The following HNRNPD variants were observed in gnomAD, a reference collection of about 807,000 sequenced individuals.
The protein encoded by HNRNPD is heterogeneous nuclear ribonucleoprotein D0.
HNRNPD carries 3 observed loss-of-function variants against 47.9 expected under a neutral mutation model. The ratio of observed to expected loss-of-function variants is 0.06; its 90% CI spans 0.03 to 0.16. The LOEUF is 0.16. Among genes scored for constraint, HNRNPD ranks in the 10% least tolerant of loss-of-function variants. The pLI is 1.00. For missense variants in HNRNPD, 287 were observed against 454.2 expected (o/e 0.63, Z 3.35); for synonymous variants, 171 against 165.1 (o/e 1.04, Z -0.28).
intron 2 of HNRNPD, among the ~76,000 whole-genome samples, chr4:82,365,240 A>T (rs1719693100): frequency 6.6e-6 from 1 of 152,136 alleles, no homozygotes. Flanking sequence ...TGGCTTTATA[A>T]CAAGTTCTGA....
At chr4:82,368,739 G>A (rs150323298) in intron 2 of HNRNPD, among the ~76,000 whole-genome samples, 1,600 of 152,274 alleles carry the variant, frequency 0.011, 21 homozygotes, top group Non-Finnish European at 0.013. Flanking sequence ...AATTTGGCAT[G>A]AGACTACTCT....
chr4:82,366,141 C>A (rs1719744321), intron 2 of HNRNPD, among the ~76,000 whole-genome samples: 1 of 152,170 alleles, frequency 6.6e-6, no homozygotes, highest in Non-Finnish European at 1.5e-5. Flanking sequence ...TTTTCAGAGA[C>A]TTCTCTGTAT....
At chr4:82,372,914 G>C (rs1303815265) in intron 1 of HNRNPD, among the ~76,000 whole-genome samples, 1 of 152,212 alleles carries the variant, frequency 6.6e-6, no homozygotes, top group Non-Finnish European at 1.5e-5. Flanking sequence ...GTCGGCCTAA[G>C]GCCGACAAGG....
At chr4:82,366,709 T>C (rs1019807631) in intron 2 of HNRNPD, among the ~76,000 whole-genome samples, 9 of 152,046 alleles carry the variant, frequency 5.9e-5, no homozygotes, top group African/African-American at 1.9e-4. Flanking sequence ...TACAGGCGCA[T>C]GTAACCACAC....
intron 4 of HNRNPD, chr4:82,357,918 G>A (rs2556538): frequency 0.58 from 88,722 of 152,200 alleles, 26,987 homozygotes; most frequent in East Asian, 0.8. Context: ...GCTCTTGCAA[G>A]TATTTTTTAA....
At chr4:82,369,050 T>C (rs1719901835) in intron 2 of HNRNPD, among the ~76,000 whole-genome samples, 1 of 152,206 alleles carries the variant, frequency 6.6e-6, no homozygotes, top group South Asian at 2.1e-4. Context: ...TGCAGGAAAG[T>C]CTATGTACCT....
At chr4:82,369,296 T>C (rs984013452) in intron 2 of HNRNPD, among the ~76,000 whole-genome samples, 6 of 152,174 alleles carry the variant, frequency 3.9e-5, no homozygotes, top group South Asian at 2.1e-4. Context: ...CGGATGTTAA[T>C]GTGGGAAAGA....
At chr4:82,372,940 A>G (rs1448040380) in intron 1 of HNRNPD, among the ~76,000 whole-genome samples, 2 of 152,250 alleles carry the variant, frequency 1.3e-5, no homozygotes, top group Admixed American at 6.5e-5. Flanking sequence ...GCAGAGGTGG[A>G]CAGCCTACGC....
At position 82,373,507 on chromosome 4, in the gene HNRNPD, C is replaced by A; in HGVS notation, c.172G>T (p.Gly58Trp). Reference protein sequence around the residue: ...GGGTASGGTEGGSAESEGAKI... With the variant: ...GGGTASGGTEWGSAESEGAKI... ...GCCCCCTCCGACTCGGCGCTGCCCC[C>A]TTCGGTGCCTCCAGACGCGGTTCCG... is the stretch of plus-strand genomic sequence containing the variant. Residue 58 changes from glycine to tryptophan, a missense_variant, in exon 1 of 9, where the codon GGG becomes TGG. Gly to Trp is a radical substitution (Grantham distance 184, BLOSUM62 -2). Coordinates refer to ENST00000313899, the MANE Select transcript of HNRNPD (RefSeq NM_031370.3). 1.3e-6 allele frequency: 2 copies of A among 1,548,742 alleles called. No homozygotes were observed. Among genetic ancestry groups the A allele is most frequent in the Non-Finnish European group, 1.7e-6 (2 of 1,145,796 alleles).
At chr4:82,365,501 G>C (rs1578053289) in intron 2 of HNRNPD, among the ~76,000 whole-genome samples, 1 of 151,740 alleles carries the variant, frequency 6.6e-6, no homozygotes, top group East Asian at 1.9e-4. Flanking sequence ...CACACGTTAG[G>C]GTATTTTACA....
intron 1 of HNRNPD, 51 bp downstream of exon 1, chr4:82,373,395 G>A (rs766493152): frequency 2.0e-5 from 31 of 1,521,622 alleles, no homozygotes; most frequent in Non-Finnish European, 2.7e-5. Context: ...GGAATAAAGA[G>A]GGGGAGGGGG....
intron 2 of HNRNPD, among the ~76,000 whole-genome samples, chr4:82,368,119 G>A (rs1026619491): frequency 6.6e-6 from 1 of 152,086 alleles, no homozygotes; most frequent in African/African-American, 2.4e-5. Flanking sequence ...CACACTTGAG[G>A]TACACAGCTT....
In HNRNPD at chr4:82,373,664, C is replaced by A. The variant is rs1020865681; in HGVS notation, c.15G>T (p.Gln5His). ...CTGCCGCCGCCCCGTCCCCGCCGAA[C>A]TGCTCCTCCGACATAGTGCTAGTGT... MSEE[Q>H]FGGDGAAAAA... The change falls in exon 1 of 9, where the codon CAG (glutamine) becomes CAT (histidine). Residue 5 changes from glutamine (Q) to histidine (H), a missense_variant. Physicochemically the swap from Gln to His is conservative, Grantham distance 24. This residue lies in a region of HNRNPD where 161 missense variants were observed against 137.1 expected (regional missense o/e 1.17). Coordinates refer to ENST00000313899, the MANE Select transcript of HNRNPD (RefSeq NM_031370.3). The A allele has an allele frequency of 1.6e-5, 24 of 1,528,846 alleles. No individual in the cohort carries two copies. The highest frequency in any genetic ancestry group is 2.8e-5 in the African/African-American group (2 of 71,696). 94.7% of individuals were successfully genotyped at this position (1,528,846 alleles called of 1,614,324 possible).
intron 5 of HNRNPD, 32 bp from the exon 6 acceptor site, chr4:82,356,927 C>T: frequency 6.4e-7 from 1 of 1,552,286 alleles, no homozygotes; most frequent in South Asian, 1.1e-5. Context: ...ATTAAACTGA[C>T]TCAAGAAAAT....
Position 82,373,778 on chromosome 4 carries a change from C to G in HNRNPD, c.-100G>C. On this transcript the variant is annotated 5_prime_UTR_variant, in exon 1 of 9. Coordinates refer to ENST00000313899, the MANE Select transcript of HNRNPD (RefSeq NM_031370.3). ...TCCCCGCCGCTGCCGCGCGCCCGCTCTACCTCGCGAAGCACACAAGACAGG... is the reference window on the plus strand; with the variant it reads ...TCCCCGCCGCTGCCGCGCGCCCGCTGTACCTCGCGAAGCACACAAGACAGG... The G allele has an allele frequency of 6.6e-7, 1 of 1,525,906 alleles. No individual in the cohort carries two copies. Among genetic ancestry groups the G allele is most frequent in the Non-Finnish European group, 8.7e-7 (1 of 1,142,974 alleles). The allele number at this position is 1,525,906 out of a possible 1,614,324, so 94.5% of individuals were successfully genotyped here.
At chr4:82,373,358 A>T in intron 1 of HNRNPD, 88 bp downstream of exon 1, 1 of 1,483,646 alleles carries the variant, frequency 6.7e-7, no homozygotes, top group South Asian at 1.3e-5. Context: ...GAACGGGCTG[A>T]GAGCGGGAAC....
intron 2 of HNRNPD, among the ~76,000 whole-genome samples, chr4:82,366,266 C>T (rs1043301334): frequency 6.6e-6 from 1 of 152,100 alleles, no homozygotes; most frequent in Non-Finnish European, 1.5e-5. Context: ...GGGAGGGGGA[C>T]AGAGTCTCGC....
intron 2 of HNRNPD, among the ~76,000 whole-genome samples, chr4:82,359,994 T>G (rs538016163): frequency 3.9e-5 from 6 of 152,288 alleles, no homozygotes; most frequent in Non-Finnish European, 7.4e-5. Flanking sequence ...AAATGTTCAT[T>G]AAACTTGTTA....
intron 2 of HNRNPD, among the ~76,000 whole-genome samples, chr4:82,366,642 CTGCA>C (rs1719773533): frequency 6.6e-6 from 1 of 152,196 alleles, no homozygotes; most frequent in African/African-American, 2.4e-5. Flanking sequence ...CCTTGTCTCA[CTGCA>C]ACCTCCGCCT....
Sources: allele counts gnomAD v4.1 joint callset (sites outside exome capture counted in the v4.1 genomes callset), GRCh38; gene constraint gnomAD v4.1.1; regional missense constraint gnomAD v4.1.1; transcripts MANE v1.5; gene names NCBI Gene and HGNC (gene_info 2026-07-23, HGNC 2026-07-21).